The following LDLRAD3 variants were observed in gnomAD, a reference collection of about 807,000 sequenced individuals.
LDLRAD3 encodes low-density lipoprotein receptor class A domain-containing protein 3.
In LDLRAD3, 20 loss-of-function variants were observed where a neutral mutation model predicts 29.4. The observed-to-expected ratio is 0.68, with a 90% CI of 0.48 to 0.99. The LOEUF (loss-of-function observed/expected upper bound fraction) is 0.99, where lower values mean the gene tolerates loss of function less well. LDLRAD3 is among the 50% of genes least tolerant of loss of function. The pLI is 0.00. For missense variants in LDLRAD3, 420 were observed against 454.3 expected (o/e 0.92, Z 0.69); for synonymous variants, 157 against 192.7 (o/e 0.81, Z 1.53).
At chr11:36,138,414 A>C (rs917826490) in intron 4 of LDLRAD3, among the ~76,000 whole-genome samples, 3 of 152,316 alleles carry the variant, frequency 2.0e-5, no homozygotes, top group African/African-American at 7.2e-5. Context: ...AGTTTGACCA[A>C]ATCAAAGAGT....
intron 4 of LDLRAD3, among the ~76,000 whole-genome samples, chr11:36,210,943 A>G (rs1002930328): frequency 6.6e-6 from 1 of 152,034 alleles, no homozygotes; most frequent in Non-Finnish European, 1.5e-5. Flanking sequence ...TTCTCCATTT[A>G]TTTTCTACAG....
intron 1 of LDLRAD3, among the ~76,000 whole-genome samples, chr11:36,004,332 G>A (rs1851858767): frequency 6.6e-6 from 1 of 152,096 alleles, no homozygotes; most frequent in Admixed American, 6.5e-5. Context: ...GAAAAAATGG[G>A]GCTGTAGTCC....
At chr11:36,225,819 C>T (rs1182779267) in intron 4 of LDLRAD3, among the ~76,000 whole-genome samples, 2 of 152,046 alleles carry the variant, frequency 1.3e-5, no homozygotes, top group Non-Finnish European at 2.9e-5. Flanking sequence ...GCCTGTAATC[C>T]CAGCACTTTG....
At chr11:35,986,675 C>T (rs1216821322) in intron 1 of LDLRAD3, among the ~76,000 whole-genome samples, 2 of 152,204 alleles carry the variant, frequency 1.3e-5, no homozygotes, top group Non-Finnish European at 1.5e-5. Context: ...GAAGAGATTG[C>T]AGGACCTGTT....
chr11:36,070,330 C>T (rs959210172), intron 2 of LDLRAD3, among the ~76,000 whole-genome samples: 1 of 152,112 alleles, frequency 6.6e-6, no homozygotes. Context: ...TTTGCTTGAA[C>T]AAAAACCGTT....
rs60402803 is a variant in LDLRAD3 at position 36,133,207 on chromosome 11, C to CTTTTT, written c.454+34750_454+34754dup. On this transcript the variant is annotated intron_variant, in intron 4 of 5. Coordinates refer to ENST00000315571, the MANE Select transcript of LDLRAD3 (RefSeq NM_174902.4). Reference sequence around the variant, plus strand: ...AGTCCATTTGTCCATTTTCTTTTTTCTTTTTTTTAGTTGAGATGGGGCCTT... The same window carrying CTTTTT: ...AGTCCATTTGTCCATTTTCTTTTTTCTTTTTTTTTTTTTAGTTGAGATGGGGCCTT... Among the ~76,000 whole-genome samples the CTTTTT allele has an allele frequency of 2.5e-4, 37 of 146,498 alleles. 1 individual carries two copies. The highest frequency in any genetic ancestry group is 3.0e-4 in the Non-Finnish European group (20 of 66,700).
At chr11:36,144,349 A>C (rs1391750926) in intron 4 of LDLRAD3, among the ~76,000 whole-genome samples, 2 of 141,800 alleles carry the variant, frequency 1.4e-5, no homozygotes, top group African/African-American at 5.1e-5. Context: ...CCCGGCCGCC[A>C]CCCCGTCTGG....
chr11:36,201,897 G>A (rs1465986426), intron 4 of LDLRAD3, among the ~76,000 whole-genome samples: 2 of 152,190 alleles, frequency 1.3e-5, no homozygotes, highest in East Asian at 3.8e-4. Context: ...GGCATAGCAT[G>A]CATCATTGTC....
intron 1 of LDLRAD3, among the ~76,000 whole-genome samples, chr11:35,966,759 A>G (rs997305722): frequency 2.0e-5 from 3 of 152,238 alleles, no homozygotes; most frequent in South Asian, 4.1e-4. Flanking sequence ...TTTAGTAAAT[A>G]CAATATCAGA....
rs541270970 is a variant in LDLRAD3, at chr11:36,213,264, G to A, written c.455-13821G>A. On this transcript the variant is annotated intron_variant, in intron 4 of 5. Coordinates refer to ENST00000315571, the MANE Select transcript of LDLRAD3 (RefSeq NM_174902.4). The surrounding 1 kb of genome is among the most constrained non-coding windows in gnomAD (Gnocchi z 4.1). ...GGCCAGGATGGCCCCTGCTGTGGCC[G>A]GTCTGAGGTTGCGCAGCTCCAGTTT... 1.1e-4 allele frequency among the ~76,000 whole-genome samples: 17 copies of A among 152,158 alleles called. No homozygotes were observed. The highest frequency in any genetic ancestry group is 9.2e-4 in the Admixed American group (14 of 15,268).
At chr11:35,963,133 A>G (rs1851298021) in intron 1 of LDLRAD3, among the ~76,000 whole-genome samples, 1 of 152,236 alleles carries the variant, frequency 6.6e-6, no homozygotes, top group African/African-American at 2.4e-5. Flanking sequence ...ATTACTGTCC[A>G]CTTGCATTGC....
At chr11:36,074,577 T>C (rs921554369) in intron 2 of LDLRAD3, among the ~76,000 whole-genome samples, 1 of 152,148 alleles carries the variant, frequency 6.6e-6, no homozygotes, top group Non-Finnish European at 1.5e-5. Flanking sequence ...AAGCCTGGAA[T>C]TGGAGAGCAG....
intron 1 of LDLRAD3, among the ~76,000 whole-genome samples, chr11:36,029,769 T>C (rs879723460): frequency 5.9e-5 from 9 of 152,182 alleles, no homozygotes; most frequent in Non-Finnish European, 8.8e-5. Flanking sequence ...GAACGAAGCC[T>C]TTATCATTTT....
At chr11:36,104,775 GA>G in intron 4 of LDLRAD3, among the ~76,000 whole-genome samples, 1 of 152,052 alleles carries the variant, frequency 6.6e-6, no homozygotes, top group African/African-American at 2.4e-5. Context: ...CCAGGATGGG[GA>G]CTCGGCTCAT....
At chr11:36,145,500 A>T (rs1854176774) in intron 4 of LDLRAD3, among the ~76,000 whole-genome samples, 1 of 149,774 alleles carries the variant, frequency 6.7e-6, no homozygotes, top group Non-Finnish European at 1.5e-5. Flanking sequence ...CCCGTCTGGG[A>T]GGTGTACTCA....
At chr11:36,085,778 ATTT>A (rs796343049) in intron 3 of LDLRAD3, among the ~76,000 whole-genome samples, 8 of 148,130 alleles carry the variant, frequency 5.4e-5, no homozygotes, top group Admixed American at 2.0e-4. Flanking sequence ...TGCCTGGCTA[ATTT>A]TTTTTTTATT....
At chr11:36,013,307 T>A (rs1422265081) in intron 1 of LDLRAD3, among the ~76,000 whole-genome samples, 1 of 152,194 alleles carries the variant, frequency 6.6e-6, no homozygotes, top group Non-Finnish European at 1.5e-5. Context: ...TCTTTTTTTT[T>A]ACTTTAAGTT....
intron 2 of LDLRAD3, among the ~76,000 whole-genome samples, chr11:36,067,890 G>A (rs1852822668): frequency 6.6e-6 from 1 of 152,002 alleles, no homozygotes; most frequent in African/African-American, 2.4e-5. Context: ...GGCTGGTCTT[G>A]AACTCTGAGT....
chr11:36,006,256 T>C (rs528441154), intron 1 of LDLRAD3, among the ~76,000 whole-genome samples: 1 of 152,262 alleles, frequency 6.6e-6, no homozygotes, highest in African/African-American at 2.4e-5. Context: ...AATTCACAGA[T>C]TAGGGGAAAA....
Sources: gnomAD v4.1 joint callset for allele counts (sites outside exome capture counted in the v4.1 genomes callset) on GRCh38, gnomAD v4.1.1 for gene constraint, Gnocchi (gnomAD v3.1) non-coding constraint, MANE v1.5 for transcripts, NCBI Gene and HGNC (gene_info 2026-07-23, HGNC 2026-07-21) for gene names.